Variants in QRICH1 observed in about 807,000 individuals in gnomAD.
The protein encoded by QRICH1 is glutamine rich 1.
A neutral mutation model predicts 87.1 loss-of-function variants in QRICH1; 16 were observed. That is an observed-to-expected ratio of 0.18 (90% CI 0.12 to 0.28). The LOEUF is 0.28. Among genes scored for constraint, QRICH1 ranks in the 10% least tolerant of loss-of-function variants. The probability of loss-of-function intolerance (pLI) is 1.00; values close to 1 mark genes in which losing one functional copy is unlikely to be tolerated. For synonymous variants in QRICH1, 367 were observed against 368.4 expected (o/e 1.00, Z 0.05); for missense variants, 647 against 951.7 (o/e 0.68, Z 4.21).
rs185718017 is a variant in QRICH1 at position 49,052,927 on chromosome 3, A to T, written c.1338+3935T>A. ...TAAGGTTAATGTGAAAATTAGAAGA[A>T]TATGTTAAACATCAAGAACAGTAGT... On this transcript the variant is annotated intron_variant, in intron 3 of 9. Coordinates refer to ENST00000395443, the MANE Select transcript of QRICH1 (RefSeq NM_198880.3). Among the ~76,000 whole-genome samples the T allele has an allele frequency of 1.7e-4, 26 of 152,330 alleles. No individual in the cohort carries two copies. In the East Asian group the frequency reaches 4.8e-3, roughly 28 times the overall value.
intron 9 of QRICH1, among the ~76,000 whole-genome samples, chr3:49,031,718 A>T (rs934730569): frequency 5.9e-5 from 9 of 152,144 alleles, no homozygotes; most frequent in African/African-American, 2.2e-4. Flanking sequence ...GTGGCTAGGG[A>T]ACTAAGAGCT....
In QRICH1 at chr3:49,044,526, G is replaced by A. The variant is rs138411768; in HGVS notation, c.1672-22C>T. 1,818 of 1,496,714 alleles carry A rather than the reference G, an allele frequency of 1.2e-3. 5 individuals are homozygous for A. The highest frequency in any genetic ancestry group is 1.5e-3 in the Non-Finnish European group (1,650 of 1,076,190). The allele number at this position is 1,496,714 out of a possible 1,614,324, so 92.7% of individuals were successfully genotyped here. ...GATACTAAAAGAAAAACAATTAATA[G>A]AAGTTATTGGTAGTCTCCTGAACAA... On this transcript the variant is annotated intron_variant, in intron 5 of 9. Transcript: ENST00000395443.
intron 3 of QRICH1, chr3:49,056,655 C>G (rs548861216): frequency 3.2e-6 from 3 of 940,880 alleles, no homozygotes; most frequent in African/African-American, 3.3e-5. Flanking sequence ...TCCTGGCCAT[C>G]TCATTTACCT....
chr3:49,094,152 T>C (rs937083495), upstream of QRICH1: 10 of 397,028 alleles, frequency 2.5e-5, no homozygotes, highest in Admixed American at 1.8e-4. Flanking sequence ...AAAATTAAAG[T>C]GAACGCTTCA....
intron 1 of QRICH1, among the ~76,000 whole-genome samples, chr3:49,087,361 A>C (rs1433620881): frequency 6.6e-6 from 1 of 151,848 alleles, no homozygotes; most frequent in Non-Finnish European, 1.5e-5. Context: ...AGACCAGCCT[A>C]GCTAATATGG....
intron 2 of QRICH1, among the ~76,000 whole-genome samples, chr3:49,061,520 C>CT (rs2093434689): frequency 6.6e-6 from 1 of 152,090 alleles, no homozygotes; most frequent in Admixed American, 6.6e-5. Context: ...ATAAATTACC[C>CT]TAACCACAAG....
intron 2 of QRICH1, among the ~76,000 whole-genome samples, chr3:49,073,314 G>A (rs1456319759): frequency 6.6e-6 from 1 of 152,150 alleles, no homozygotes; most frequent in Admixed American, 6.6e-5. Context: ...GCCAAGGCCG[G>A]TGGATCACCT....
rs548723542 is a variant in QRICH1, at chr3:49,093,673, C to G, written c.-22+239G>C. ...GCGCGCGCGTAAAAACAGGCTCAGC[C>G]GCGCGCCCGCACCGGCGCGCCATCT... On this transcript the variant is annotated intron_variant, in intron 1 of 9. Coordinates refer to ENST00000395443, the MANE Select transcript of QRICH1 (RefSeq NM_198880.3). The G allele has an allele frequency of 9.1e-3, 1,805 of 198,002 alleles. 20 individuals carry two copies. The highest frequency in any genetic ancestry group is 0.011 in the Non-Finnish European group (1,094 of 98,010). 12.3% of individuals were successfully genotyped at this position (198,002 alleles called of 1,614,324 possible).
At chr3:49,082,046 T>G (rs909206395) in intron 1 of QRICH1, among the ~76,000 whole-genome samples, 94 of 152,252 alleles carry the variant, frequency 6.2e-4, no homozygotes, top group African/African-American at 2.2e-3. Context: ...GACCTTGTAA[T>G]CTGCTGGCCT....
intron 6 of QRICH1, among the ~76,000 whole-genome samples, chr3:49,037,219 C>T (rs2093281043): frequency 6.6e-6 from 1 of 151,582 alleles, no homozygotes; most frequent in African/African-American, 2.4e-5. Flanking sequence ...GAAAGGCCAA[C>T]TATGAAGTAA....
intron 2 of QRICH1, among the ~76,000 whole-genome samples, chr3:49,063,094 C>T (rs1177881988): frequency 2.0e-5 from 3 of 152,196 alleles, no homozygotes; most frequent in African/African-American, 7.2e-5. Context: ...AATTTAACCT[C>T]TAAACAGTTT....
At chr3:49,093,743 A>C (rs1282048641) in intron 1 of QRICH1, 169 bp downstream of exon 1, 1 of 286,660 alleles carries the variant, frequency 3.5e-6, no homozygotes. Flanking sequence ...TCCCCCATCC[A>C]CAGGGCGGGG....
intron 1 of QRICH1, 141 bp downstream of exon 1, chr3:49,093,771 G>A (rs1030482507): frequency 8.9e-6 from 3 of 338,974 alleles, no homozygotes; most frequent in Non-Finnish European, 1.6e-5. Context: ...GCCCAGGAAC[G>A]TTTTCGGCTC....
At chr3:49,072,542 A>C (rs1292044031) in intron 2 of QRICH1, among the ~76,000 whole-genome samples, 1 of 152,022 alleles carries the variant, frequency 6.6e-6, no homozygotes, top group Non-Finnish European at 1.5e-5. Flanking sequence ...AAAAAAAAAA[A>C]AACTCTCCAT....
intron 1 of QRICH1, chr3:49,086,976 CCCGGTG>C (rs1437129104): frequency 1.3e-5 from 2 of 152,298 alleles, no homozygotes; most frequent in African/African-American, 4.8e-5. Flanking sequence ...TCATATGGGG[CCCGGTG>C]CAGTGGCTCA....
chr3:49,040,885 G>A (rs1030581926), intron 6 of QRICH1, among the ~76,000 whole-genome samples: 6 of 152,080 alleles, frequency 3.9e-5, no homozygotes, highest in South Asian at 2.1e-4. Context: ...TGGTGCTGTC[G>A]GTGTTTTGAA....
intron 6 of QRICH1, among the ~76,000 whole-genome samples, chr3:49,038,529 C>T (rs992810225): frequency 6.6e-6 from 1 of 152,042 alleles, no homozygotes; most frequent in Non-Finnish European, 1.5e-5. Flanking sequence ...ATTCTCCTGC[C>T]TCAGCCTCCC....
At chr3:49,078,046 C>T (rs1046118993) in intron 1 of QRICH1, among the ~76,000 whole-genome samples, 2 of 152,162 alleles carry the variant, frequency 1.3e-5, no homozygotes, top group African/African-American at 4.8e-5. Context: ...CTCCCTTCAA[C>T]AGCCCGACCT....
At chr3:49,059,270 T>C (rs1406993872) in intron 2 of QRICH1, among the ~76,000 whole-genome samples, 1 of 151,654 alleles carries the variant, frequency 6.6e-6, no homozygotes, top group Non-Finnish European at 1.5e-5. Flanking sequence ...GGACCGTTTT[T>C]TTCTCTAAAG....
Sources: allele counts gnomAD v4.1 joint callset (sites outside exome capture counted in the v4.1 genomes callset), GRCh38; gene constraint gnomAD v4.1.1; transcripts MANE v1.5; gene names NCBI Gene and HGNC (gene_info 2026-07-23, HGNC 2026-07-21).